The following MOK variants were observed in gnomAD, a reference collection of about 807,000 sequenced individuals.
MOK encodes the protein MOK protein kinase.
Under a neutral mutation model 54.2 loss-of-function variants are expected in MOK, and 59 were observed. That is an observed-to-expected ratio of 1.09 (90% CI 0.88 to 1.35). The LOEUF is 1.35. Ranked by LOEUF, MOK falls within the 40% of genes most tolerant of loss-of-function variation. The pLI, the probability that MOK is intolerant of heterozygous loss-of-function variation, is 0.00. For missense variants in MOK, 517 were observed against 526.2 expected, an observed-to-expected ratio of 0.98 and a Z score of 0.17; for synonymous variants, 210 against 202.7, an observed-to-expected ratio of 1.04 and a Z score of -0.31.
Position 102,249,639 on chromosome 14 carries a change from G to A in MOK, c.590+1173C>T, listed in dbSNP as rs951717516. Among the ~76,000 whole-genome samples the A allele has an allele frequency of 1.3e-5, 2 of 152,218 alleles. No individual in the cohort carries two copies. Among genetic ancestry groups the A allele is most frequent in the African/African-American group, 4.8e-5 (2 of 41,456 alleles). ...CAGGAGAATCGCTAGAACCCGGGAG[G>A]CGGAGGCTGCGGTGAGCCAAGATCG... On this transcript the variant is annotated intron_variant, in intron 7 of 11. Transcript: ENST00000361847. This position sits in a 1 kb window ranked among gnomAD's most constrained non-coding sequence, Gnocchi z 5.3.
intron 10 of MOK, 22 bp from the exon 11 acceptor site, chr14:102,229,679 G>A (rs2064486948): frequency 1.9e-6 from 3 of 1,567,420 alleles, no homozygotes; most frequent in African/African-American, 2.7e-5. Flanking sequence ...ACAGAGGCCA[G>A]TTGGACATAA....
In MOK at chr14:102,229,669, A is replaced by G; in HGVS notation, c.982-12T>C. 6.3e-7 allele frequency: 1 copy of G among 1,585,116 alleles called. No individual in the cohort carries two copies. Among genetic ancestry groups the G allele is most frequent in the East Asian group, 2.2e-5 (1 of 44,566 alleles). On this transcript the variant is annotated splice_polypyrimidine_tract_variant and intron_variant, in intron 10 of 11. Coordinates refer to ENST00000361847, the MANE Select transcript of MOK (RefSeq NM_014226.3). Reference sequence around the variant, plus strand: ...TTTAGGGACTGTTTCTTGAAACAGAACAGAGGCCAGTTGGACATAAAACGC... The same window carrying G: ...TTTAGGGACTGTTTCTTGAAACAGAGCAGAGGCCAGTTGGACATAAAACGC...
chr14:102,268,567 G>A (rs778250588), intron 2 of MOK, among the ~76,000 whole-genome samples: 2 of 152,106 alleles, frequency 1.3e-5, no homozygotes, highest in Non-Finnish European at 2.9e-5. Flanking sequence ...TTTACCATAA[G>A]TGGAATCTAC....
chr14:102,285,101 G>C (rs200242715), intron 1 of MOK, among the ~76,000 whole-genome samples: 10 of 135,898 alleles, frequency 7.4e-5, no homozygotes, highest in Admixed American at 3.6e-4. Flanking sequence ...AAAAAAAAAA[G>C]AAAATGCAGG....
chr14:102,277,419 T>A (rs2068977653), intron 2 of MOK: 1 of 152,128 alleles, frequency 6.6e-6, no homozygotes, highest in African/African-American at 2.4e-5. Flanking sequence ...GGTCAGGAGT[T>A]CAAGACGAGC....
chr14:102,251,858 G>A (rs2066555952), intron 5 of MOK, 54 bp from the exon 6 acceptor site: 2 of 1,533,698 alleles, frequency 1.3e-6, no homozygotes, highest in South Asian at 1.2e-5. Context: ...TCAAATTCTT[G>A]AATCTGAATG....
chr14:102,280,251 C>T (rs777437987), intron 2 of MOK, among the ~76,000 whole-genome samples: 1 of 152,002 alleles, frequency 6.6e-6, no homozygotes, highest in Non-Finnish European at 1.5e-5. Flanking sequence ...CTCTGTCACC[C>T]AGGCTGGAGT....
downstream of MOK, among the ~76,000 whole-genome samples, chr14:102,224,299 C>G (rs535016675): frequency 6.6e-6 from 1 of 152,076 alleles, no homozygotes; most frequent in Admixed American, 6.6e-5. Flanking sequence ...CTTGGCCTCC[C>G]AAAGTGCTGG....
intron 2 of MOK, among the ~76,000 whole-genome samples, chr14:102,277,013 C>CT (rs550427492): frequency 0.04 from 3,965 of 99,904 alleles, 122 homozygotes; most frequent in African/African-American, 0.072. Context: ...ATGCCCTGGT[C>CT]TTTTTTTTTT....
intron 7 of MOK, among the ~76,000 whole-genome samples, chr14:102,244,826 T>C (rs2065971276): frequency 6.6e-6 from 1 of 152,036 alleles, no homozygotes; most frequent in South Asian, 2.1e-4. Flanking sequence ...ACCCAAGCAG[T>C]TTCTCAGGCT....
intron 2 of MOK, among the ~76,000 whole-genome samples, chr14:102,281,679 T>C (rs1391557734): frequency 1.3e-5 from 2 of 151,922 alleles, no homozygotes; most frequent in East Asian, 3.9e-4. Flanking sequence ...TCCTGTGCTC[T>C]AGCAATCCTC....
chr14:102,224,767 C>T (rs762215009), downstream of MOK: 30 of 455,864 alleles, frequency 6.6e-5, no homozygotes, highest in South Asian at 3.1e-4. Flanking sequence ...CTCTGGATCA[C>T]GGGGCCATGA....
the MOK span, chr14:102,215,072 A>G: frequency 1.2e-6 from 1 of 856,016 alleles, no homozygotes. Flanking sequence ...CAAAACCAGA[A>G]AAGTTTTTAA....
the MOK span, among the ~76,000 whole-genome samples, chr14:102,216,919 C>T: frequency 1.3e-5 from 2 of 152,086 alleles, no homozygotes; most frequent in Non-Finnish European, 2.9e-5. Context: ...GGCGACAGAG[C>T]GAGACTCTGT....
Position 102,233,759 on chromosome 14 carries a change from T to C in MOK, c.621A>G (p.Glu207=), listed in dbSNP as rs922806968. Residue 207 remains glutamate (E), a synonymous_variant, in exon 8 of 12, where the codon GAA becomes GAG. Coordinates refer to ENST00000361847, the MANE Select transcript of MOK (RefSeq NM_014226.3). ...CGTGGATTTTTGAGATTTGGTCCAG[T>C]TCATTTACTCCAGGAAAGAGGGGCT... ...SLQPLFPGVN[E]LDQISKIHDV... is the part of the protein sequence containing the mutation. 1 of 1,613,974 alleles carries C rather than the reference T, an allele frequency of 6.2e-7. No individual in the cohort carries two copies. The highest frequency in any genetic ancestry group is 1.3e-5 in the African/African-American group (1 of 74,906).
At chr14:102,247,683 A>G (rs943350968) in intron 7 of MOK, among the ~76,000 whole-genome samples, 24 of 152,370 alleles carry the variant, frequency 1.6e-4, no homozygotes, top group African/African-American at 5.8e-4. Flanking sequence ...CGCTTCTTCA[A>G]AATCACAGAG....
rs1860132198 is a variant in MOK, at chr14:102,249,747, A to G, written c.590+1065T>C. ...ACAGATTTTAAACCTGTATAAATAA[A>G]TTCAATTCATATTACATGCCACAAA... On this transcript the variant is annotated intron_variant, in intron 7 of 11. Coordinates refer to ENST00000361847, the MANE Select transcript of MOK (RefSeq NM_014226.3). This position sits in a 1 kb window ranked among gnomAD's most constrained non-coding sequence, Gnocchi z 5.3. 6.6e-6 allele frequency among the ~76,000 whole-genome samples: 1 copy of G among 152,240 alleles called. No homozygotes were observed. Among genetic ancestry groups the G allele is most frequent in the Non-Finnish European group, 1.5e-5 (1 of 68,042 alleles).
chr14:102,300,323 C>CAAAAAAA (rs71468398), intron 1 of MOK, among the ~76,000 whole-genome samples: 1 of 38,462 alleles, frequency 2.6e-5, no homozygotes, highest in South Asian at 9.9e-4. Context: ...AACTCTATCT[C>CAAAAAAA]AAAAAAAAAA....
chr14:102,233,234 C>G (rs2064901849), intron 8 of MOK: 1 of 160,110 alleles, frequency 6.2e-6, no homozygotes, highest in South Asian at 1.8e-4. Flanking sequence ...CCCACAGGCC[C>G]TCCCTGGGAA....
Sources: gnomAD v4.1 joint callset for allele counts (sites outside exome capture counted in the v4.1 genomes callset) on GRCh38, gnomAD v4.1.1 for gene constraint, Gnocchi (gnomAD v3.1) non-coding constraint, MANE v1.5 for transcripts, NCBI Gene and HGNC (gene_info 2026-07-23, HGNC 2026-07-21) for gene names.